ZNF331: variants seen among roughly 807,000 people sequenced by gnomAD.
ZNF331 encodes C2H2-like zinc finger protein rearranged in thyroid adenomas.
ZNF331 carries 2 observed loss-of-function variants against 7.0 expected under a neutral mutation model. That is an observed-to-expected ratio of 0.29 (90% CI 0.12 to 0.90). The LOEUF is 0.90. Among genes scored for constraint, ZNF331 ranks in the 40% least tolerant of loss-of-function variants. The probability of loss-of-function intolerance (pLI) is 0.58; values close to 1 mark genes in which losing one functional copy is unlikely to be tolerated. For missense variants in ZNF331, 432 were observed against 587.7 expected (o/e 0.74, Z 2.74); for synonymous variants, 196 against 205.4 (o/e 0.95, Z 0.39).
Position 53,569,321 on chromosome 19 carries a change from T to C in ZNF331, c.-56T>C. 2 of 1,605,884 alleles carry C rather than the reference T, an allele frequency of 1.2e-6. No homozygotes were observed. Among genetic ancestry groups the C allele is most frequent in the Non-Finnish European group, 1.7e-6 (2 of 1,173,810 alleles). On this transcript the variant is annotated 5_prime_UTR_variant, in exon 4 of 6. Coordinates refer to ENST00000449416, the MANE Select transcript of ZNF331 (RefSeq NM_001079906.2). ...ACCCCTAGCTCTAGCCTCTCGGAAT[T>C]TGTCTTCTTCAGTGGAAACCCCGAG...
At chr19:53,531,000 T>C (rs539740051) in intron 2 of ZNF331, among the ~76,000 whole-genome samples, 9 of 152,256 alleles carry the variant, frequency 5.9e-5, no homozygotes, top group African/African-American at 2.2e-4. Context: ...CTGATCCCAG[T>C]GCCCTCTGAC....
upstream of ZNF331, among the ~76,000 whole-genome samples, chr19:53,515,313 G>A (rs1322738494): frequency 2.6e-5 from 4 of 152,104 alleles, no homozygotes; most frequent in Admixed American, 6.5e-5. Flanking sequence ...GAAAACACTC[G>A]CAAAGTCACT....
At position 53,573,462 on chromosome 19, in the gene ZNF331, C is replaced by G. The variant is rs1041844270; in HGVS notation, c.136+1732C>G. Among the ~76,000 whole-genome samples the G allele has an allele frequency of 2.0e-5, 3 of 146,660 alleles. No homozygotes were observed. In the Admixed American group the frequency reaches 2.1e-4, roughly 10 times the overall value. On this transcript the variant is annotated intron_variant, in intron 5 of 5. Transcript: ENST00000449416. This position sits in a 1 kb window ranked among gnomAD's most constrained non-coding sequence, Gnocchi z 4.2. ...CCCGGGAGGTAGAGGTATAGCATTT[C>G]TTTTTTTTTTTAAGTTGAGATTTTT... is the stretch of plus-strand genomic sequence containing the variant.
rs2090835073 is a variant in ZNF331 at position 53,578,987 on chromosome 19, G to GA, written c.*1036dup. 1 of 180,164 alleles carries GA rather than the reference G, an allele frequency of 5.6e-6. No homozygotes were observed. The highest frequency in any genetic ancestry group is 1.2e-5 in the Non-Finnish European group (1 of 84,310). 11.2% of individuals were successfully genotyped at this position (180,164 alleles called of 1,614,324 possible). ...GGCTAATTTTTGTATTTTTAGTAGAGACAGTTTTCACCATGTTGTCCAGGC... is the reference window on the plus strand; with the variant it reads ...GGCTAATTTTTGTATTTTTAGTAGAGAACAGTTTTCACCATGTTGTCCAGGC... On this transcript the variant is annotated 3_prime_UTR_variant, in exon 6 of 6. Coordinates refer to ENST00000449416, the MANE Select transcript of ZNF331 (RefSeq NM_001079906.2).
intron 2 of ZNF331, among the ~76,000 whole-genome samples, chr19:53,531,243 G>A (rs1482475734): frequency 6.6e-6 from 1 of 152,146 alleles, no homozygotes; most frequent in Non-Finnish European, 1.5e-5. Flanking sequence ...TATAAGACAG[G>A]ACTATTTACT....
chr19:53,507,534 C>T, the ZNF331 span, among the ~76,000 whole-genome samples: 1 of 152,154 alleles, frequency 6.6e-6, no homozygotes, highest in Non-Finnish European at 1.5e-5. Context: ...CGGTCTGAAG[C>T]AAAGCTATGG....
chr19:53,504,941 C>T, the ZNF331 span, among the ~76,000 whole-genome samples: 1 of 152,174 alleles, frequency 6.6e-6, no homozygotes, highest in Admixed American at 6.5e-5. Context: ...ACTCTCTAAC[C>T]CTGGAATGGG....
intron 2 of ZNF331, among the ~76,000 whole-genome samples, chr19:53,544,083 T>C (rs1023740863): frequency 3.3e-5 from 5 of 149,872 alleles, no homozygotes; most frequent in African/African-American, 5.0e-5. Context: ...AAAAATTGGC[T>C]GGGCGTGGTG....
At chr19:53,543,484 A>G (rs1600284970) in intron 2 of ZNF331, among the ~76,000 whole-genome samples, 1 of 151,354 alleles carries the variant, frequency 6.6e-6, no homozygotes, top group East Asian at 2.0e-4. Flanking sequence ...GGCTGGTCTC[A>G]AACTCCTGAC....
chr19:53,533,224 A>G (rs141230781), upstream of ZNF331, among the ~76,000 whole-genome samples: 106 of 152,220 alleles, frequency 7.0e-4, no homozygotes, highest in African/African-American at 2.4e-3. Context: ...ATATTTTTAA[A>G]TTAAACTTTT....
chr19:53,546,140 G>GAAAAAAAAAAAAAA lies in ZNF331; in HGVS notation c.-138+6866_-138+6879dup, dbSNP rs527391326. ...CCTTCAGAAAAAGCATCCTGAGGGG[G>GAAAAAAAAAAAAAA]AAAAAAAAAAAAAAAAAAAAATTAT... On this transcript the variant is annotated intron_variant, in intron 2 of 5. Coordinates refer to ENST00000449416, the MANE Select transcript of ZNF331 (RefSeq NM_001079906.2). Among the ~76,000 whole-genome samples, 14 of 113,478 alleles carry GAAAAAAAAAAAAAA rather than the reference G, an allele frequency of 1.2e-4. 1 individual carries two copies. The highest frequency in any genetic ancestry group is 1.3e-4 in the Non-Finnish European group (7 of 53,540). 74.4% of individuals were successfully genotyped at this position (113,478 alleles called of 152,430 possible).
the ZNF331 span, among the ~76,000 whole-genome samples, chr19:53,511,349 A>G: frequency 9.4e-4 from 143 of 152,268 alleles, 4 homozygotes; most frequent in East Asian, 0.018. Flanking sequence ...GCATTATCGC[A>G]GTGTAAAATG....
At chr19:53,572,550 T>TTG (rs1555772456) in intron 5 of ZNF331, among the ~76,000 whole-genome samples, 1 of 105,802 alleles carries the variant, frequency 9.5e-6, no homozygotes, top group African/African-American at 6.5e-5. Flanking sequence ...CACATATATA[T>TTG]TATATATACA....
Position 53,559,373 on chromosome 19 carries a change from AC to A in ZNF331, c.-74+3469del, listed in dbSNP as rs753460830. Among the ~76,000 whole-genome samples, 16 of 148,166 alleles carry A rather than the reference AC, an allele frequency of 1.1e-4. No homozygotes were observed. In the East Asian group the frequency reaches 1.2e-3, roughly 11 times the overall value. ...ACACCATACACACATATACACACAC[AC>A]CCCATATATACACATACACACCTAC... On this transcript the variant is annotated intron_variant, in intron 3 of 5. Coordinates refer to ENST00000449416, the MANE Select transcript of ZNF331 (RefSeq NM_001079906.2).
the ZNF331 span, among the ~76,000 whole-genome samples, chr19:53,505,599 A>G: frequency 6.6e-6 from 1 of 152,158 alleles, no homozygotes; most frequent in African/African-American, 2.4e-5. Flanking sequence ...TAAAGGTGCT[A>G]AGGATGGTGG....
intron 3 of ZNF331, among the ~76,000 whole-genome samples, chr19:53,568,755 CAAAA>C (rs148955580): frequency 1.8e-5 from 2 of 111,106 alleles, no homozygotes. Context: ...CTTTGAGGCG[CAAAA>C]AAAAAAAAAA....
chr19:53,543,409 C>T (rs1018628427), intron 2 of ZNF331, among the ~76,000 whole-genome samples: 16 of 152,154 alleles, frequency 1.1e-4, no homozygotes, highest in African/African-American at 3.9e-4. Context: ...ATTACAAGCG[C>T]GCACCACCAT....
rs2089802317 is a variant in ZNF331 at position 53,560,308 on chromosome 19, C to T, written c.-74+4400C>T. ...ATATGCACATATATATATACACCCACACCATATACACACACATACACATAT... is the reference window on the plus strand; with the variant it reads ...ATATGCACATATATATATACACCCATACCATATACACACACATACACATAT... On this transcript the variant is annotated intron_variant, in intron 3 of 5. Coordinates refer to ENST00000449416, the MANE Select transcript of ZNF331 (RefSeq NM_001079906.2). The surrounding 1 kb of genome is among the most constrained non-coding windows in gnomAD (Gnocchi z 4.3). Among the ~76,000 whole-genome samples, 1 of 151,818 alleles carries T rather than the reference C, an allele frequency of 6.6e-6. No individual in the cohort carries two copies. Among genetic ancestry groups the T allele is most frequent in the East Asian group, 1.9e-4 (1 of 5,174 alleles).
chr19:53,506,444 G>C, the ZNF331 span, among the ~76,000 whole-genome samples: 48,280 of 86,722 alleles, frequency 0.56, 11,190 homozygotes, highest in Middle Eastern at 0.64. Context: ...CTCTCTCTCT[G>C]TCTCTCTCTC....
Sources: gnomAD v4.1 joint callset for allele counts (sites outside exome capture counted in the v4.1 genomes callset) on GRCh38, gnomAD v4.1.1 for gene constraint, Gnocchi (gnomAD v3.1) non-coding constraint, MANE v1.5 for transcripts, NCBI Gene and HGNC (gene_info 2026-07-23, HGNC 2026-07-21) for gene names.